GALNTL6: variants seen among roughly 807,000 people sequenced by gnomAD.
The protein encoded by GALNTL6 is polypeptide N-acetylgalactosaminyltransferase like 6, also known as polypeptide N-acetylgalactosaminyltransferase-like 6.
Under a neutral mutation model 73.7 loss-of-function variants are expected in GALNTL6, and 46 were observed. The observed-to-expected ratio is 0.62, with a 90% CI of 0.49 to 0.80. The LOEUF (loss-of-function observed/expected upper bound fraction) is 0.80. Among genes scored for constraint, GALNTL6 ranks in the 30% least tolerant of loss-of-function variants. The pLI, the probability that GALNTL6 is intolerant of heterozygous loss-of-function variation, is 0.00. For synonymous variants in GALNTL6, 259 were observed against 263.7 expected, an observed-to-expected ratio of 0.98 and a Z score of 0.17; for missense variants, 604 against 755.0, an observed-to-expected ratio of 0.80 and a Z score of 2.34.
At chr4:171,897,989 T>A (rs1317978090) in intron 2 of GALNTL6, among the ~76,000 whole-genome samples, 2 of 151,694 alleles carry the variant, frequency 1.3e-5, no homozygotes, top group Admixed American at 6.6e-5. Flanking sequence ...CAAAACTATA[T>A]CTAACAAAGG....
intron 3 of GALNTL6, among the ~76,000 whole-genome samples, chr4:172,289,103 A>G (rs1739370320): frequency 6.6e-6 from 1 of 152,178 alleles, no homozygotes; most frequent in African/African-American, 2.4e-5. Context: ...CTCTGAAAAA[A>G]AAAATCCTTC....
chr4:172,780,113 T>A (rs1739297745), intron 5 of GALNTL6, among the ~76,000 whole-genome samples: 1 of 146,078 alleles, frequency 6.8e-6, no homozygotes, highest in South Asian at 2.1e-4. Flanking sequence ...GGTTTATTCT[T>A]GGCTTTTTTT....
At chr4:171,934,884 G>A (rs922100886) in intron 2 of GALNTL6, among the ~76,000 whole-genome samples, 3 of 152,158 alleles carry the variant, frequency 2.0e-5, no homozygotes, top group Non-Finnish European at 4.4e-5. Context: ...AAACTGGGAA[G>A]TTGAAGTTTG....
At chr4:172,179,667 C>T (rs1445274862) in intron 2 of GALNTL6, among the ~76,000 whole-genome samples, 21 of 148,644 alleles carry the variant, frequency 1.4e-4, no homozygotes, top group Admixed American at 1.3e-3. Flanking sequence ...TTAATTAGAT[C>T]CCATTTGTCA....
At chr4:172,245,067 A>G (rs1001278071) in intron 3 of GALNTL6, among the ~76,000 whole-genome samples, 5 of 152,182 alleles carry the variant, frequency 3.3e-5, no homozygotes, top group African/African-American at 1.2e-4. Flanking sequence ...AAAGATCAGA[A>G]GCATCTAGTA....
chr4:172,303,462 T>C (rs938390821), intron 3 of GALNTL6, among the ~76,000 whole-genome samples: 1 of 152,188 alleles, frequency 6.6e-6, no homozygotes, highest in African/African-American at 2.4e-5. Context: ...CAAACCTTAG[T>C]TGCGATTCCT....
intron 5 of GALNTL6, among the ~76,000 whole-genome samples, chr4:172,768,053 G>A (rs1295691379): frequency 1.3e-5 from 2 of 152,102 alleles, no homozygotes; most frequent in East Asian, 3.8e-4. Context: ...CGCCACCAAG[G>A]CATTTTTCTC....
At chr4:172,556,173 T>G (rs1401697516) in intron 5 of GALNTL6, among the ~76,000 whole-genome samples, 1 of 152,124 alleles carries the variant, frequency 6.6e-6, no homozygotes, top group African/African-American at 2.4e-5. Context: ...TATAGTGAAA[T>G]AGGGTACTTA....
At chr4:172,641,106 T>C (rs1425745322) in intron 5 of GALNTL6, among the ~76,000 whole-genome samples, 1 of 152,078 alleles carries the variant, frequency 6.6e-6, no homozygotes, top group African/African-American at 2.4e-5. Flanking sequence ...CAAAATATAT[T>C]TAAAATCTGA....
intron 2 of GALNTL6, among the ~76,000 whole-genome samples, chr4:172,013,790 C>T (rs983845702): frequency 6.6e-6 from 1 of 151,866 alleles, no homozygotes; most frequent in African/African-American, 2.4e-5. Flanking sequence ...ACATGAAATA[C>T]TAGGTCTTAT....
chr4:172,446,745 G>T (rs903700151), intron 5 of GALNTL6, among the ~76,000 whole-genome samples: 1 of 152,130 alleles, frequency 6.6e-6, no homozygotes, highest in Admixed American at 6.5e-5. Context: ...GCTCTCTGAA[G>T]TGGAGAGCAG....
At chr4:172,973,784 G>A (rs549694497) in intron 10 of GALNTL6, among the ~76,000 whole-genome samples, 3 of 152,154 alleles carry the variant, frequency 2.0e-5, no homozygotes, top group East Asian at 3.9e-4. Flanking sequence ...CCACTTTCAC[G>A]CTTTCTCTCT....
chr4:171,896,539 C>T (rs1178015762), intron 2 of GALNTL6, among the ~76,000 whole-genome samples: 2 of 152,210 alleles, frequency 1.3e-5, no homozygotes, highest in Non-Finnish European at 2.9e-5. Context: ...TCCAGTTCAA[C>T]ATGTTGGCAG....
chr4:172,862,699 C>CA (rs998284643), intron 7 of GALNTL6, among the ~76,000 whole-genome samples: 2 of 132,130 alleles, frequency 1.5e-5, no homozygotes, highest in Non-Finnish European at 3.4e-5. Flanking sequence ...GACTTCATCT[C>CA]AAAAAAAAGA....
At chr4:172,923,742 C>G (rs1647545415) in intron 8 of GALNTL6, among the ~76,000 whole-genome samples, 2 of 152,090 alleles carry the variant, frequency 1.3e-5, no homozygotes, top group South Asian at 2.1e-4. Flanking sequence ...TTCCACATGG[C>G]TGGGGAGGCC....
chr4:171,944,627 A>G (rs906647598), intron 2 of GALNTL6, among the ~76,000 whole-genome samples: 3 of 152,046 alleles, frequency 2.0e-5, no homozygotes, highest in Non-Finnish European at 2.9e-5. Flanking sequence ...ATCAGAAAAT[A>G]CATTCATTTC....
intron 2 of GALNTL6, among the ~76,000 whole-genome samples, chr4:171,907,259 C>A (rs186278350): frequency 0.014 from 2,136 of 151,976 alleles, 54 homozygotes; most frequent in African/African-American, 0.049. Context: ...TTGTCTCAGC[C>A]CAAAATCTCC....
chr4:172,549,197 C>T (rs1255335315), intron 5 of GALNTL6, among the ~76,000 whole-genome samples: 1 of 152,152 alleles, frequency 6.6e-6, no homozygotes, highest in Non-Finnish European at 1.5e-5. Context: ...CAGTCCCTGG[C>T]AATAACTTGC....
intron 5 of GALNTL6, among the ~76,000 whole-genome samples, chr4:172,422,197 T>C (rs971629676): frequency 2.6e-5 from 4 of 152,100 alleles, no homozygotes; most frequent in Admixed American, 2.6e-4. Context: ...TATCAAATAG[T>C]TGTGTATATT....
Sources: allele counts gnomAD v4.1 joint callset (sites outside exome capture counted in the v4.1 genomes callset), GRCh38; gene constraint gnomAD v4.1.1; transcripts MANE v1.5; gene names NCBI Gene and HGNC (gene_info 2026-07-23, HGNC 2026-07-21).